PDXDC1: variants seen among roughly 807,000 people sequenced by gnomAD.
PDXDC1 encodes the protein pyridoxal dependent decarboxylase domain containing 1, also known as pyridoxal-dependent decarboxylase domain-containing protein 1.
In PDXDC1, 42 loss-of-function variants were observed where a neutral mutation model predicts 100.1. The observed-to-expected ratio is 0.42, with a 90% CI of 0.33 to 0.54. The LOEUF (loss-of-function observed/expected upper bound fraction) is 0.54. Ranked by LOEUF, PDXDC1 falls within the 20% of genes least tolerant of loss-of-function variation. The pLI is 0.10. For missense variants in PDXDC1, 636 were observed against 979.2 expected (o/e 0.65, Z 4.68); for synonymous variants, 260 against 371.7 (o/e 0.70, Z 3.46).
chr16:15,148,556 T>C, the PDXDC1 span, among the ~76,000 whole-genome samples: 1 of 150,830 alleles, frequency 6.6e-6, no homozygotes, highest in Admixed American at 6.6e-5. Flanking sequence ...CCAATGTTCT[T>C]TTATTTTTTA....
intron 16 of PDXDC1, among the ~76,000 whole-genome samples, chr16:15,114,975 G>C (rs1403222740): frequency 7.9e-6 from 1 of 127,252 alleles, no homozygotes; most frequent in African/African-American, 3.0e-5. Flanking sequence ...CCACTCAGTC[G>C]CCCAGGCTGG....
At position 15,112,033 on chromosome 16, in the gene PDXDC1, G is replaced by C. The variant is rs1330689165; in HGVS notation, c.1400-26846G>C. Among the ~76,000 whole-genome samples the C allele has an allele frequency of 1.4e-5, 2 of 146,896 alleles. 1 individual carries two copies. Among genetic ancestry groups the C allele is most frequent in the Non-Finnish European group, 3.1e-5 (2 of 65,296 alleles). On this transcript the variant is annotated intron_variant, in intron 16 of 16. Coordinates refer to the PDXDC1 transcript ENST00000535621. The stretch of plus-strand genomic sequence containing the variant: ...CTTTCCCTTCCCTCACATCAGCTTC[G>C]TTGAGGCTGGTTTGAACTTTACGCA...
At position 15,127,408 on chromosome 16, in the gene PDXDC1, G is replaced by A. The variant is rs1175847098; in HGVS notation, c.1400-11471G>A. 17 of 1,371,574 alleles carry A rather than the reference G, an allele frequency of 1.2e-5. No homozygotes were observed. In the Admixed American group the frequency reaches 2.9e-4, roughly 24 times the overall value. The allele number at this position is 1,371,574 out of a possible 1,614,324, so 85.0% of individuals were successfully genotyped here. A position where few individuals can be genotyped will look rare whatever the true frequency, so the allele number is the denominator to read the frequency against. On this transcript the variant is annotated intron_variant, in intron 16 of 16. Transcript: ENST00000535621. ...TGCAGCACTGGAAAGTGGCGGCTCTGGGCATGGTGCCGAGGCCCAGGCTCC... is the reference window on the plus strand; with the variant it reads ...TGCAGCACTGGAAAGTGGCGGCTCTAGGCATGGTGCCGAGGCCCAGGCTCC...
intron 21 of PDXDC1, among the ~76,000 whole-genome samples, chr16:15,035,216 G>A (rs140240565): frequency 1.3e-5 from 2 of 152,222 alleles, no homozygotes; most frequent in Non-Finnish European, 2.9e-5. Context: ...TGTTGGGCCT[G>A]GCTCCCTGGG....
chr16:15,087,227 A>G (rs991117853), intron 16 of PDXDC1, among the ~76,000 whole-genome samples: 1 of 152,234 alleles, frequency 6.6e-6, no homozygotes, highest in Admixed American at 6.5e-5. Flanking sequence ...CTACAGGGAT[A>G]TTCATATGGA....
At chr16:15,023,299 G>A (rs1196965653) in intron 13 of PDXDC1, among the ~76,000 whole-genome samples, 1 of 152,286 alleles carries the variant, frequency 6.6e-6, no homozygotes, top group Admixed American at 6.5e-5. Flanking sequence ...AGAGAATGGG[G>A]ATCAGTTCAG....
At chr16:15,065,365 G>T (rs375265812) in intron 16 of PDXDC1, 1 of 1,612,790 alleles carries the variant, frequency 6.2e-7, no homozygotes, top group Non-Finnish European at 8.5e-7. Flanking sequence ...AGACGAGCTG[G>T]TACTTACTGT....
rs776892252 is a variant in PDXDC1 at position 15,036,171 on chromosome 16, G to A, written c.2263G>A (p.Ala755Thr). The A allele has an allele frequency of 6.2e-6, 10 of 1,614,010 alleles. No homozygotes were observed. The African/African-American group carries it at 9.3e-5, about 15-fold the overall frequency. ...EASSTEGHPG[A>T]PSPQHTDQTE... ...CAGCAGCACTGAGGGACACCCAGGGGCTCCCAGCCCTCAGCACACCGACCA... is the reference window on the plus strand; with the variant it reads ...CAGCAGCACTGAGGGACACCCAGGGACTCCCAGCCCTCAGCACACCGACCA... Residue 755 changes from alanine to threonine, a missense_variant, in exon 23 of 23, where the codon GCT (alanine) becomes ACT (threonine). By Grantham distance (58) the Ala-to-Thr change is moderately conservative. Transcript: ENST00000396410.
Position 15,133,628 on chromosome 16 carries a change from C to T in PDXDC1, c.1400-5251C>T, listed in dbSNP as rs2048211870. On this transcript the variant is annotated intron_variant, in intron 16 of 16. Coordinates refer to the PDXDC1 transcript ENST00000535621. The stretch of plus-strand genomic sequence containing the variant: ...GCCCTTGTAGACACAGAACTCCTCG[C>T]AGTGGCCCTGGCGACAGCGCTGCAG... The T allele has an allele frequency of 4.6e-6, 6 of 1,291,338 alleles. No individual in the cohort carries two copies. In the Middle Eastern group the frequency reaches 1.0e-3, roughly 223 times the overall value. The allele number at this position is 1,291,338 out of a possible 1,614,324, so 80.0% of individuals were successfully genotyped here. A position where few individuals can be genotyped will look rare whatever the true frequency, so the allele number is the denominator to read the frequency against.
intron 16 of PDXDC1, chr16:15,068,108 T>C (rs1161158953): frequency 6.7e-7 from 1 of 1,499,138 alleles, no homozygotes; most frequent in Non-Finnish European, 9.0e-7. Flanking sequence ...CTTACAATAC[T>C]AGATAAACAT....
chr16:15,129,357 T>G (rs1454119424), intron 16 of PDXDC1, among the ~76,000 whole-genome samples: 2 of 151,642 alleles, frequency 1.3e-5, no homozygotes, highest in African/African-American at 4.8e-5. Context: ...GGGAATCGCT[T>G]AAACCCAGGA....
intron 16 of PDXDC1, among the ~76,000 whole-genome samples, chr16:15,078,793 C>T (rs1236491014): frequency 6.7e-6 from 1 of 150,350 alleles, no homozygotes; most frequent in Non-Finnish European, 1.5e-5. Context: ...TTCCAACTGC[C>T]TCCTCTTCGT....
At chr16:15,142,023 G>C (rs2048483529), downstream of PDXDC1, among the ~76,000 whole-genome samples, 1 of 152,310 alleles carries the variant, frequency 6.6e-6, no homozygotes, top group Admixed American at 6.5e-5. Context: ...ACACAGGCAG[G>C]CCCCCTGGAA....
At chr16:14,989,054 G>T (rs1173246155) in intron 1 of PDXDC1, 1 of 1,614,154 alleles carries the variant, frequency 6.2e-7, no homozygotes, top group East Asian at 2.2e-5. Flanking sequence ...GCGAGCAGGA[G>T]AGCATGTAAT....
intron 16 of PDXDC1, among the ~76,000 whole-genome samples, chr16:15,044,106 G>T (rs528445783): frequency 2.6e-4 from 39 of 152,224 alleles, no homozygotes; most frequent in African/African-American, 8.7e-4. Context: ...TGTGTTCACT[G>T]CTGTTTTAGT....
chr16:14,978,077 A>G (rs1442682575), intron 1 of PDXDC1, among the ~76,000 whole-genome samples: 1 of 152,042 alleles, frequency 6.6e-6, no homozygotes, highest in Non-Finnish European at 1.5e-5. Flanking sequence ...CTGTGATAAC[A>G]GAGCCATTTT....
chr16:15,135,777 C>A, intron 16 of PDXDC1: 1 of 1,594,900 alleles, frequency 6.3e-7, no homozygotes, highest in Non-Finnish European at 8.6e-7. Context: ...CGGTATGAGC[C>A]ACCCTCAGTG....
intron 16 of PDXDC1, chr16:15,135,734 T>C (rs982150171): frequency 4.3e-5 from 68 of 1,596,542 alleles, no homozygotes; most frequent in Non-Finnish European, 5.6e-5. Context: ...CTCGCTCCCA[T>C]CCAGCACCAG....
chr16:15,132,696 G>C (rs1311014201), intron 16 of PDXDC1: 5 of 825,130 alleles, frequency 6.1e-6, no homozygotes, highest in Non-Finnish European at 1.0e-5. Context: ...ATGCGGGGCG[G>C]GGTGAGCATG....
Sources: allele counts gnomAD v4.1 joint callset (sites outside exome capture counted in the v4.1 genomes callset), GRCh38; gene constraint gnomAD v4.1.1; transcripts MANE v1.5; gene names NCBI Gene and HGNC (gene_info 2026-07-23, HGNC 2026-07-21).